Variants in TPD52L1 observed in about 807,000 individuals in gnomAD.
TPD52L1 encodes the protein TPD52 like 1, also known as tumor protein D53.
TPD52L1 carries 18 observed loss-of-function variants against 28.7 expected under a neutral mutation model. That is an observed-to-expected ratio of 0.63 (90% CI 0.43 to 0.93). TPD52L1 has a LOEUF of 0.93. TPD52L1 is among the 40% of genes least tolerant of loss of function. TPD52L1 has a pLI of 0.00. For missense variants in TPD52L1, 203 were observed against 254.8 expected (o/e 0.80, Z 1.39); for synonymous variants, 75 against 88.8 (o/e 0.84, Z 0.88).
intron 1 of TPD52L1, among the ~76,000 whole-genome samples, chr6:125,207,580 G>C (rs1369158781): frequency 6.6e-6 from 1 of 152,170 alleles, no homozygotes; most frequent in African/African-American, 2.4e-5. Context: ...AGTCAGTTTT[G>C]CTTCTTCCTC....
intron 3 of TPD52L1, among the ~76,000 whole-genome samples, chr6:125,238,652 AT>A (rs756659331): frequency 4.6e-5 from 7 of 152,154 alleles, no homozygotes; most frequent in Non-Finnish European, 8.8e-5. Flanking sequence ...CTCCATCCAG[AT>A]TGCTGCAAAT....
intron 2 of TPD52L1, among the ~76,000 whole-genome samples, chr6:125,221,015 T>C (rs1039761169): frequency 1.3e-5 from 2 of 152,180 alleles, no homozygotes; most frequent in Non-Finnish European, 2.9e-5. Flanking sequence ...CCTTCCTGCT[T>C]TGGCCTCTCC....
chr6:125,257,022 G>A, intron 5 of TPD52L1, 76 bp from the exon 6 acceptor site: 1 of 1,314,880 alleles, frequency 7.6e-7, no homozygotes, highest in Non-Finnish European at 1.1e-6. Flanking sequence ...TTACAGATAT[G>A]AGCAGAAAAC....
intron 3 of TPD52L1, among the ~76,000 whole-genome samples, chr6:125,243,002 T>G (rs1254999757): frequency 2.0e-5 from 3 of 152,246 alleles, no homozygotes; most frequent in South Asian, 2.1e-4. Flanking sequence ...TAGTGGCAAT[T>G]TCTCTCAGCA....
intron 1 of TPD52L1, among the ~76,000 whole-genome samples, chr6:125,200,246 C>G (rs1334462811): frequency 6.6e-6 from 1 of 152,060 alleles, no homozygotes; most frequent in Non-Finnish European, 1.5e-5. Flanking sequence ...AAAAATAGCT[C>G]TAGATTCAGT....
At chr6:125,253,678 T>G in intron 4 of TPD52L1, 39 bp from the exon 5 acceptor site, 1 of 1,596,618 alleles carries the variant, frequency 6.3e-7, no homozygotes, top group Non-Finnish European at 8.6e-7. Flanking sequence ...GCTCTCTTCT[T>G]TTTTCTTTTT....
intron 1 of TPD52L1, among the ~76,000 whole-genome samples, chr6:125,174,321 G>A (rs1791694001): frequency 6.6e-6 from 1 of 152,126 alleles, no homozygotes; most frequent in African/African-American, 2.4e-5. Flanking sequence ...TAGCAGTTAG[G>A]TGTCAAGTAA....
intron 1 of TPD52L1, among the ~76,000 whole-genome samples, chr6:125,161,402 G>A (rs948410587): frequency 1.1e-4 from 16 of 152,132 alleles, no homozygotes; most frequent in Admixed American, 2.6e-4. Context: ...AGCATGCTAC[G>A]TTTCTTTCAA....
chr6:125,253,609 G>A, intron 4 of TPD52L1, 108 bp from the exon 5 acceptor site: 6 of 995,710 alleles, frequency 6.0e-6, no homozygotes, highest in Non-Finnish European at 9.3e-6. Context: ...GAATATTTCA[G>A]ATATTTGGAA....
intron 1 of TPD52L1, among the ~76,000 whole-genome samples, chr6:125,163,829 A>G (rs1790689744): frequency 6.6e-6 from 1 of 151,026 alleles, no homozygotes; most frequent in African/African-American, 2.4e-5. Flanking sequence ...AAGCAGGAGA[A>G]TCACTTGAAC....
chr6:125,171,511 C>T (rs146209304), intron 1 of TPD52L1, among the ~76,000 whole-genome samples: 241 of 152,274 alleles, frequency 1.6e-3, no homozygotes, highest in African/African-American at 5.6e-3. Flanking sequence ...GGAGCTGAGG[C>T]CCTCCTTGTG....
chr6:125,209,632 T>G (rs1373912954), intron 1 of TPD52L1, among the ~76,000 whole-genome samples: 1 of 152,062 alleles, frequency 6.6e-6, no homozygotes, highest in Admixed American at 6.5e-5. Context: ...TCTCAGAGAG[T>G]CCAAATGCCT....
At chr6:125,214,367 G>A in intron 1 of TPD52L1, 1 of 679,452 alleles carries the variant, frequency 1.5e-6, no homozygotes, top group Non-Finnish European at 1.8e-6. Context: ...GAGAAAGGTG[G>A]GACATACACA....
chr6:125,213,484 C>G (rs1001738563), intron 1 of TPD52L1, among the ~76,000 whole-genome samples: 1 of 152,058 alleles, frequency 6.6e-6, no homozygotes, highest in African/African-American at 2.4e-5. Context: ...GTTCAGTAGC[C>G]CCTCCGAGCT....
intron 1 of TPD52L1, among the ~76,000 whole-genome samples, chr6:125,182,081 AC>A (rs1046800481): frequency 6.6e-6 from 1 of 152,202 alleles, no homozygotes; most frequent in Non-Finnish European, 1.5e-5. Flanking sequence ...CTTTCTAGAA[AC>A]CAGGTAAGGA....
At chr6:125,241,508 G>T (rs892298098) in intron 3 of TPD52L1, among the ~76,000 whole-genome samples, 1 of 151,880 alleles carries the variant, frequency 6.6e-6, no homozygotes, top group Non-Finnish European at 1.5e-5. Context: ...CATATTATTG[G>T]TCTGTTCAGA....
chr6:125,239,602 G>T (rs753256908), intron 3 of TPD52L1, among the ~76,000 whole-genome samples: 16 of 152,128 alleles, frequency 1.1e-4, no homozygotes, highest in Non-Finnish European at 1.9e-4. Context: ...GAACTTATGG[G>T]AGCTACAATT....
Position 125,251,912 on chromosome 6 carries a change from C to T in TPD52L1, c.387-1805C>T, listed in dbSNP as rs967273348. On this transcript the variant is annotated intron_variant, in intron 4 of 6. Coordinates refer to ENST00000534000, the MANE Select transcript of TPD52L1 (RefSeq NM_003287.4). ...AGAGTGGTAAATGAAGCTACCCTGT[C>T]TGTGCTCTGGGGCCCTTGAAAGGGG... 1.1e-5 allele frequency: 12 copies of T among 1,090,108 alleles called. No homozygotes were observed. In the Admixed American group the frequency reaches 1.4e-4, roughly 13 times the overall value. 67.5% of individuals were successfully genotyped at this position (1,090,108 alleles called of 1,614,324 possible).
intron 1 of TPD52L1, among the ~76,000 whole-genome samples, chr6:125,161,476 A>T (rs191232618): frequency 2.1e-3 from 320 of 152,268 alleles, no homozygotes; most frequent in African/African-American, 6.1e-3. Context: ...CTTGGCTTTC[A>T]CTGTGCCTTC....
Sources: allele counts gnomAD v4.1 joint callset (sites outside exome capture counted in the v4.1 genomes callset), GRCh38; gene constraint gnomAD v4.1.1; transcripts MANE v1.5; gene names NCBI Gene and HGNC (gene_info 2026-07-23, HGNC 2026-07-21).